The following ADGRA1 variants were observed in gnomAD, a reference collection of about 807,000 sequenced individuals.
ADGRA1 encodes adhesion G protein-coupled receptor A1, also known as G-protein coupled receptor 123.
Under a neutral mutation model 21.3 loss-of-function variants are expected in ADGRA1, and 12 were observed. That is an observed-to-expected ratio of 0.56 (90% CI 0.36 to 0.91). The LOEUF (loss-of-function observed/expected upper bound fraction) is 0.91, where lower values mean the gene tolerates loss of function less well. Among genes scored for constraint, ADGRA1 ranks in the 40% least tolerant of loss-of-function variants. ADGRA1 has a pLI of 0.01. For missense variants in ADGRA1, 790 were observed against 805.6 expected (o/e 0.98, Z 0.23); for synonymous variants, 385 against 368.8 (o/e 1.04, Z -0.50).
At chr10:133,111,405 C>A (rs1411695559) in intron 5 of ADGRA1, among the ~76,000 whole-genome samples, 2 of 85,352 alleles carry the variant, frequency 2.3e-5, no homozygotes, top group Admixed American at 2.2e-4. Flanking sequence ...CCCTCCTAAT[C>A]CCACCAGACA....
chr10:133,112,318 G>GTGT (rs1564849949), intron 5 of ADGRA1, among the ~76,000 whole-genome samples: 3 of 151,090 alleles, frequency 2.0e-5, no homozygotes, highest in African/African-American at 7.3e-5. Context: ...TCTGCGGGCC[G>GTGT]CATCGGTTAT....
rs754984673 is a variant in ADGRA1, at chr10:133,128,462, C to T, written c.634C>T (p.Arg212Cys). Residue 212 changes from arginine to cysteine, a missense_variant, in exon 7 of 7, where the codon CGC becomes TGC. By Grantham distance (180) the Arg-to-Cys change is radical (BLOSUM62 -3). This residue lies in a region of ADGRA1 where 382 missense variants were observed against 415.6 expected (regional missense o/e 0.92). Transcript: ENST00000392607. ...RRHPGRRYELRTQPEEQRRLA... is the reference protein window; with the variant it reads ...RRHPGRRYELCTQPEEQRRLA... ...CCACCCAGGGCGCAGGTACGAGCTG[C>T]GCACACAGCCCGAGGAGCAGCGGCG... 13 of 1,590,552 alleles carry T rather than the reference C, an allele frequency of 8.2e-6. No individual in the cohort carries two copies. The highest frequency in any genetic ancestry group is 2.7e-5 in the African/African-American group (2 of 73,930).
At chr10:133,125,906 C>T (rs1337374054) in intron 5 of ADGRA1, among the ~76,000 whole-genome samples, 1 of 152,220 alleles carries the variant, frequency 6.6e-6, no homozygotes, top group African/African-American at 2.4e-5. Flanking sequence ...AGAGCACCAT[C>T]CCCAGTGCCC....
intron 2 of ADGRA1, among the ~76,000 whole-genome samples, chr10:133,096,372 C>G (rs929415013): frequency 6.6e-6 from 1 of 152,254 alleles, no homozygotes; most frequent in African/African-American, 2.4e-5. Flanking sequence ...CACACATTCC[C>G]CTTTGAACTC....
rs1852289753 is a variant in ADGRA1, at chr10:133,122,506, CTCCA to C, written c.402-4726_402-4723del. On this transcript the variant is annotated intron_variant, in intron 5 of 6. Coordinates refer to ENST00000392607, the MANE Select transcript of ADGRA1 (RefSeq NM_001083909.3). ...TGCAGGTGCCCCCTCTACTGCGAAGCTCCACCTGCACCACAGGCCTGTTTCTTGT... is the reference window on the plus strand; with the variant it reads ...TGCAGGTGCCCCCTCTACTGCGAAGCCCTGCACCACAGGCCTGTTTCTTGT... Among the ~76,000 whole-genome samples, 3 of 152,262 alleles carry C rather than the reference CTCCA, an allele frequency of 2.0e-5. No individual in the cohort carries two copies. The East Asian group carries it at 5.8e-4, about 29-fold the overall frequency.
intron 5 of ADGRA1, among the ~76,000 whole-genome samples, chr10:133,123,115 C>G (rs910932286): frequency 6.6e-6 from 1 of 152,214 alleles, no homozygotes. Context: ...TCTGCAGGCT[C>G]GTCCCACCCA....
intron 5 of ADGRA1, among the ~76,000 whole-genome samples, chr10:133,105,800 A>G (rs1851884243): frequency 6.6e-6 from 1 of 152,204 alleles, no homozygotes; most frequent in African/African-American, 2.4e-5. Context: ...CAGAGGGGCC[A>G]GTCCAGGGAG....
chr10:133,097,574 C>T (rs1851709560), intron 3 of ADGRA1, among the ~76,000 whole-genome samples: 1 of 152,188 alleles, frequency 6.6e-6, no homozygotes, highest in African/African-American at 2.4e-5. Context: ...TCGCCTCGGT[C>T]ACGGACAGAG....
rs114091303 is a variant in ADGRA1, at chr10:133,090,912, C to T, written c.3+2000C>T. Among the ~76,000 whole-genome samples the T allele has an allele frequency of 7.5e-3, 1,144 of 152,356 alleles. 16 individuals carry two copies. The highest frequency in any genetic ancestry group is 0.026 in the African/African-American group (1,081 of 41,584). On this transcript the variant is annotated intron_variant, in intron 2 of 6. Coordinates refer to ENST00000392607, the MANE Select transcript of ADGRA1 (RefSeq NM_001083909.3). ...CCGTCCTCTCAAAAGGCTGGTTTGTCGGCCCATGGTGCTCTACAGGATGGA... is the reference window on the plus strand; with the variant it reads ...CCGTCCTCTCAAAAGGCTGGTTTGTTGGCCCATGGTGCTCTACAGGATGGA...
At chr10:133,116,012 C>A (rs1407049606) in intron 5 of ADGRA1, among the ~76,000 whole-genome samples, 1 of 151,902 alleles carries the variant, frequency 6.6e-6, no homozygotes, top group African/African-American at 2.4e-5. Context: ...CTCCCCATTC[C>A]CCTCTCCCTC....
At chr10:133,112,465 T>A (rs1214504104) in intron 5 of ADGRA1, among the ~76,000 whole-genome samples, 1 of 147,886 alleles carries the variant, frequency 6.8e-6, no homozygotes, top group African/African-American at 2.5e-5. Flanking sequence ...GTCAGTTATT[T>A]GGGGTCTGCG....
At position 133,107,793 on chromosome 10, in the gene ADGRA1, T is replaced by C. The variant is rs11101934; in HGVS notation, c.401+4951T>C. On this transcript the variant is annotated intron_variant, in intron 5 of 6. Coordinates refer to ENST00000392607, the MANE Select transcript of ADGRA1 (RefSeq NM_001083909.3). ...ATATGCTGTTTAATTCTCACAGATC[T>C]CTAGATAGTCAGGGAAAAAACCACC... Among the ~76,000 whole-genome samples, 45 of 152,322 alleles carry C rather than the reference T, an allele frequency of 3.0e-4. 1 individual carries two copies. The East Asian group carries it at 8.3e-3, about 28-fold the overall frequency.
chr10:133,098,268 T>G (rs963918114), intron 3 of ADGRA1, among the ~76,000 whole-genome samples: 21 of 152,268 alleles, frequency 1.4e-4, no homozygotes, highest in Admixed American at 1.2e-3. Context: ...AGACACCTGC[T>G]CAGAGGGACA....
chr10:133,110,595 G>A (rs76114090), intron 5 of ADGRA1, among the ~76,000 whole-genome samples: 2,917 of 152,310 alleles, frequency 0.019, 40 homozygotes, highest in Non-Finnish European at 0.027. Context: ...AACTATATGA[G>A]TGAGAAGAAA....
At chr10:133,102,646 C>CT (rs756595151) in intron 4 of ADGRA1, 51 bp from the exon 5 acceptor site, 15 of 1,571,626 alleles carry the variant, frequency 9.5e-6, no homozygotes, top group Non-Finnish European at 1.3e-5. Context: ...CTGCTGGGCT[C>CT]TGGGGGGTGG....
chr10:133,096,603 T>A (rs993379448), intron 2 of ADGRA1, among the ~76,000 whole-genome samples: 3 of 152,184 alleles, frequency 2.0e-5, no homozygotes, highest in African/African-American at 7.2e-5. Context: ...GTAAGGCCCA[T>A]CCAGATCCCA....
Position 133,130,111 on chromosome 10 carries a change from CCTGCAGCTTCACAGGGCCCCTGCACACCT to C in ADGRA1, c.*605_*633del, listed in dbSNP as rs1443257766. 1 of 153,270 alleles carries C rather than the reference CCTGCAGCTTCACAGGGCCCCTGCACACCT, an allele frequency of 6.5e-6. No individual in the cohort carries two copies. The highest frequency in any genetic ancestry group is 1.5e-5 in the Non-Finnish European group (1 of 68,796). The allele number at this position is 153,270 out of a possible 1,614,324, so 9.5% of individuals were successfully genotyped here. A position where few individuals can be genotyped will look rare whatever the true frequency, so the allele number is the denominator to read the frequency against. On this transcript the variant is annotated 3_prime_UTR_variant, in exon 7 of 7. Coordinates refer to ENST00000392607, the MANE Select transcript of ADGRA1 (RefSeq NM_001083909.3). Reference sequence around the variant, plus strand: ...TCCGCTGTCGTGTGTCTGAGCCACCCCTGCAGCTTCACAGGGCCCCTGCACACCTCTGCCCACTCAGTGTGCCCTGTCAG... The same window carrying C: ...TCCGCTGTCGTGTGTCTGAGCCACCCCTGCCCACTCAGTGTGCCCTGTCAG...
intron 5 of ADGRA1, among the ~76,000 whole-genome samples, chr10:133,117,305 G>T (rs1222158794): frequency 6.6e-6 from 1 of 152,166 alleles, no homozygotes; most frequent in Non-Finnish European, 1.5e-5. Context: ...CCCGAGACCT[G>T]TGCACACAGA....
intron 5 of ADGRA1, among the ~76,000 whole-genome samples, chr10:133,120,038 T>C (rs1852227041): frequency 6.6e-6 from 1 of 152,258 alleles, no homozygotes; most frequent in Non-Finnish European, 1.5e-5. Flanking sequence ...AAGCCAGGCA[T>C]TGACTTCTCT....
Sources: allele counts gnomAD v4.1 joint callset (sites outside exome capture counted in the v4.1 genomes callset), GRCh38; gene constraint gnomAD v4.1.1; regional missense constraint gnomAD v4.1.1; transcripts MANE v1.5; gene names NCBI Gene and HGNC (gene_info 2026-07-23, HGNC 2026-07-21).